Variants in CTNNA3 observed in about 807,000 individuals in gnomAD.
CTNNA3 encodes catenin alpha-3.
In CTNNA3, 76 loss-of-function variants were observed where a neutral mutation model predicts 95.7. That is an observed-to-expected ratio of 0.79 (90% CI 0.66 to 0.96). CTNNA3 has a LOEUF of 0.96. CTNNA3 is among the 40% of genes least tolerant of loss of function. The pLI is 0.00. For missense variants in CTNNA3, 1,191 were observed against 1,089.8 expected (o/e 1.09, Z -1.31); for synonymous variants, 431 against 374.4 (o/e 1.15, Z -1.74).
intron 9 of CTNNA3, 107 bp from the exon 10 acceptor site, chr10:66,621,891 CAAAT>C (rs755153640): frequency 2.0e-5 from 11 of 557,544 alleles, no homozygotes; most frequent in Admixed American, 1.1e-4. Context: ...ATCTCAATGA[CAAAT>C]AACATTCTCA....
At chr10:67,452,382 G>C (rs1461941368) in intron 5 of CTNNA3, among the ~76,000 whole-genome samples, 1 of 152,036 alleles carries the variant, frequency 6.6e-6, no homozygotes, top group Non-Finnish European at 1.5e-5. Flanking sequence ...TTGTATATTA[G>C]TTTATCTTAC....
chr10:65,984,391 C>T (rs762645880), intron 16 of CTNNA3, among the ~76,000 whole-genome samples: 2 of 151,332 alleles, frequency 1.3e-5, no homozygotes, highest in Non-Finnish European at 3.0e-5. Context: ...TCTTCATTCT[C>T]AGTTTTGATT....
intron 12 of CTNNA3, among the ~76,000 whole-genome samples, chr10:66,377,645 T>G (rs1452813309): frequency 6.6e-6 from 1 of 150,846 alleles, no homozygotes; most frequent in African/African-American, 2.4e-5. Context: ...TAGGAAATTT[T>G]TATTTGTCTA....
intron 1 of CTNNA3, among the ~76,000 whole-genome samples, chr10:67,661,157 T>C (rs2133524816): frequency 6.6e-6 from 1 of 151,886 alleles, no homozygotes; most frequent in East Asian, 1.9e-4. Flanking sequence ...ACCCAGCAAT[T>C]CAGTTTTTAG....
intron 13 of CTNNA3, among the ~76,000 whole-genome samples, chr10:66,167,340 A>T (rs1195827095): frequency 6.6e-6 from 1 of 152,224 alleles, no homozygotes; most frequent in African/African-American, 2.4e-5. Context: ...TGAAGCAGTT[A>T]GAAAAACTAA....
chr10:66,668,493 A>G (rs1184911781), intron 9 of CTNNA3, among the ~76,000 whole-genome samples: 1 of 151,902 alleles, frequency 6.6e-6, no homozygotes, highest in Non-Finnish European at 1.5e-5. Context: ...ATACACATAT[A>G]TATTCAAAGA....
At position 66,178,399 on chromosome 10, in the gene CTNNA3, GTATATATATATATATATATATATA is replaced by G. The variant is rs71035113; in HGVS notation, c.1885-75174_1885-75151del. ...ACATACAACTACAAACCTTGAAAGTGTATATATATATATATATATATATATATATATATATATATATATACACAC... is the reference window on the plus strand; with the variant it reads ...ACATACAACTACAAACCTTGAAAGTGTATATATATATATATATATACACAC... On this transcript the variant is annotated intron_variant, in intron 13 of 17. Coordinates refer to ENST00000433211, the MANE Select transcript of CTNNA3 (RefSeq NM_013266.4). Among the ~76,000 whole-genome samples the G allele has an allele frequency of 2.4e-3, 216 of 91,152 alleles. 3 individuals are homozygous for G. Among genetic ancestry groups the G allele is most frequent in the African/African-American group, 4.9e-3 (139 of 28,190 alleles). 59.8% of individuals were successfully genotyped at this position (91,152 alleles called of 152,430 possible).
At chr10:66,508,152 A>C (rs1413799846) in intron 11 of CTNNA3, among the ~76,000 whole-genome samples, 1 of 149,378 alleles carries the variant, frequency 6.7e-6, no homozygotes, top group East Asian at 1.9e-4. Context: ...TGTCCAATTA[A>C]GAGTGTGGTG....
chr10:66,750,069 T>TA (rs1195650062), intron 9 of CTNNA3, among the ~76,000 whole-genome samples: 17 of 152,326 alleles, frequency 1.1e-4, no homozygotes, highest in Non-Finnish European at 1.3e-4. Flanking sequence ...GTTGTTTTCT[T>TA]ATTGTTGAGT....
Position 67,437,078 on chromosome 10 carries a change from C to T in CTNNA3, c.579+84764G>A, listed in dbSNP as rs143708197. 8.7e-3 allele frequency among the ~76,000 whole-genome samples: 1,329 copies of T among 152,218 alleles called. 27 individuals carry two copies. Among genetic ancestry groups the T allele is most frequent in the East Asian group, 0.072 (375 of 5,178 alleles). On this transcript the variant is annotated intron_variant, in intron 5 of 17. Transcript: ENST00000433211. ...CAAAATCGTGGAACCAATGCAAATG[C>T]CCATCAATCAATGAGTGGATAAAGA...
In CTNNA3 at chr10:66,071,194, G is replaced by T. The variant is rs544215992; in HGVS notation, c.1978-1705C>A. On this transcript the variant is annotated intron_variant, in intron 14 of 17. Transcript: ENST00000433211. ...TTAAACAAAGAAACTGAGGTACAAA[G>T]CTTAAGAAAAATTAAGTAAGTAGAA... Among the ~76,000 whole-genome samples, 130 of 152,268 alleles carry T rather than the reference G, an allele frequency of 8.5e-4. 1 individual carries two copies. The highest frequency in any genetic ancestry group is 3.0e-3 in the African/African-American group (126 of 41,572).
intron 6 of CTNNA3, among the ~76,000 whole-genome samples, chr10:67,203,605 T>C (rs1416438408): frequency 6.6e-6 from 1 of 152,184 alleles, no homozygotes; most frequent in African/African-American, 2.4e-5. Flanking sequence ...CCCTCTCCTT[T>C]CCATTCCAAC....
intron 5 of CTNNA3, among the ~76,000 whole-genome samples, chr10:67,499,686 T>C (rs1014025082): frequency 6.6e-6 from 1 of 152,242 alleles, no homozygotes; most frequent in African/African-American, 2.4e-5. Context: ...GAGGAATTTA[T>C]CCATTTCTTC....
At chr10:67,385,921 G>A (rs919253186) in intron 5 of CTNNA3, among the ~76,000 whole-genome samples, 48 of 151,906 alleles carry the variant, frequency 3.2e-4, no homozygotes, top group Non-Finnish European at 1.0e-4. Context: ...GCCTGTGCAC[G>A]GGAGCTTTAA....
chr10:66,344,084 A>G (rs1027562688), intron 12 of CTNNA3, among the ~76,000 whole-genome samples: 1 of 151,116 alleles, frequency 6.6e-6, no homozygotes, highest in Admixed American at 6.6e-5. Flanking sequence ...AAAATTAACC[A>G]GACGTGGTGG....
At chr10:67,252,256 AAGGT>A (rs1352754594) in intron 5 of CTNNA3, among the ~76,000 whole-genome samples, 2 of 151,548 alleles carry the variant, frequency 1.3e-5, no homozygotes, top group African/African-American at 4.9e-5. Context: ...ACTAAGGAGT[AAGGT>A]AGCTATTACG....
At chr10:66,205,399 T>C (rs1020481286) in intron 13 of CTNNA3, among the ~76,000 whole-genome samples, 2 of 152,018 alleles carry the variant, frequency 1.3e-5, no homozygotes, top group African/African-American at 4.8e-5. Context: ...TGCTGTACTA[T>C]ATTTTGTAAT....
chr10:67,564,349 T>C (rs968655484), intron 3 of CTNNA3, among the ~76,000 whole-genome samples: 1 of 149,284 alleles, frequency 6.7e-6, no homozygotes, highest in African/African-American at 2.5e-5. Flanking sequence ...TGTAGGGACA[T>C]GGATGGAGCT....
At chr10:66,293,053 TAA>T (rs1287388590) in intron 12 of CTNNA3, among the ~76,000 whole-genome samples, 1 of 152,204 alleles carries the variant, frequency 6.6e-6, no homozygotes, top group African/African-American at 2.4e-5. Context: ...TTGATATGTA[TAA>T]GTTTTGATGA....
Sources: gnomAD v4.1 joint callset for allele counts (sites outside exome capture counted in the v4.1 genomes callset) on GRCh38, gnomAD v4.1.1 for gene constraint, MANE v1.5 for transcripts, NCBI Gene and HGNC (gene_info 2026-07-23, HGNC 2026-07-21) for gene names.